Variants in ABTB2 observed in about 807,000 individuals in gnomAD.
ABTB2 encodes ankyrin repeat and BTB/POZ domain-containing protein 2.
A neutral mutation model predicts 104.1 loss-of-function variants in ABTB2; 56 were observed. The observed-to-expected ratio is 0.54, with a 90% CI of 0.43 to 0.67. The LOEUF is 0.67. Among genes scored for constraint, ABTB2 ranks in the 30% least tolerant of loss-of-function variants. The pLI, the probability that ABTB2 is intolerant of heterozygous loss-of-function variation, is 0.00. For missense variants in ABTB2, 1,279 were observed against 1,407.7 expected (o/e 0.91, Z 1.46); for synonymous variants, 606 against 608.2 (o/e 1.00, Z 0.05).
intron 1 of ABTB2, among the ~76,000 whole-genome samples, chr11:34,266,822 T>C (rs752913366): frequency 7.2e-5 from 11 of 151,970 alleles, no homozygotes; most frequent in Non-Finnish European, 1.5e-4. Context: ...TAGGAACAGT[T>C]TGATGAAGTT....
intron 1 of ABTB2, among the ~76,000 whole-genome samples, chr11:34,328,148 C>A (rs755315752): frequency 6.6e-6 from 1 of 152,190 alleles, no homozygotes; most frequent in Non-Finnish European, 1.5e-5. Context: ...GGAGAGATCA[C>A]GTGGGTCAGA....
chr11:34,240,217 G>A (rs913174711), intron 1 of ABTB2, among the ~76,000 whole-genome samples: 6 of 152,112 alleles, frequency 3.9e-5, no homozygotes, highest in East Asian at 1.9e-4. Flanking sequence ...AAGAGAGCTC[G>A]CAAAGAATGC....
chr11:34,270,322 C>T (rs113184145), intron 1 of ABTB2, among the ~76,000 whole-genome samples: 257 of 151,992 alleles, frequency 1.7e-3, no homozygotes, highest in Non-Finnish European at 2.8e-3. Context: ...AATCTGTTCA[C>T]CACTGTAGAC....
chr11:34,192,994 C>T (rs1241672617), intron 3 of ABTB2, among the ~76,000 whole-genome samples: 2 of 152,236 alleles, frequency 1.3e-5, no homozygotes, highest in African/African-American at 4.8e-5. Flanking sequence ...CCAGACCTCT[C>T]ATTCCCCAGA....
At chr11:34,248,965 T>C (rs1203317817) in intron 1 of ABTB2, among the ~76,000 whole-genome samples, 1 of 152,192 alleles carries the variant, frequency 6.6e-6, no homozygotes, top group African/African-American at 2.4e-5. Flanking sequence ...ACCCTGTTTC[T>C]ACTAAAAATA....
intron 1 of ABTB2, among the ~76,000 whole-genome samples, chr11:34,287,740 T>C (rs1425989506): frequency 6.6e-6 from 1 of 152,072 alleles, no homozygotes; most frequent in Non-Finnish European, 1.5e-5. Flanking sequence ...GGTCCCCTTC[T>C]ATTTTACCTT....
chr11:34,198,565 T>A (rs1001128185), intron 2 of ABTB2, among the ~76,000 whole-genome samples: 4 of 152,152 alleles, frequency 2.6e-5, no homozygotes, highest in Non-Finnish European at 4.4e-5. Context: ...TAACCAGCCA[T>A]GGCTGTGTGG....
chr11:34,231,609 C>T (rs960576462), intron 1 of ABTB2, among the ~76,000 whole-genome samples: 1 of 152,130 alleles, frequency 6.6e-6, no homozygotes, highest in African/African-American at 2.4e-5. Flanking sequence ...TTCACTCAGT[C>T]GCCCAGGCTG....
chr11:34,274,269 T>C (rs1475614983), intron 1 of ABTB2, among the ~76,000 whole-genome samples: 4 of 151,186 alleles, frequency 2.6e-5, no homozygotes, highest in African/African-American at 9.7e-5. Flanking sequence ...GACTAATTCA[T>C]GATGTGGCAC....
chr11:34,303,277 T>C (rs1335921674), intron 1 of ABTB2, among the ~76,000 whole-genome samples: 2 of 152,248 alleles, frequency 1.3e-5, no homozygotes, highest in Non-Finnish European at 2.9e-5. Flanking sequence ...GCCCACCAAC[T>C]ACTGGCTGCA....
chr11:34,315,990 TA>T (rs1413766001), intron 1 of ABTB2, among the ~76,000 whole-genome samples: 1 of 152,224 alleles, frequency 6.6e-6, no homozygotes, highest in Non-Finnish European at 1.5e-5. Flanking sequence ...TGTTTGCAGT[TA>T]AAATGTTAAG....
At chr11:34,271,081 T>C (rs1854308478) in intron 1 of ABTB2, among the ~76,000 whole-genome samples, 1 of 152,118 alleles carries the variant, frequency 6.6e-6, no homozygotes. Context: ...TGGATAAAGC[T>C]GTATAGGGAC....
At chr11:34,229,300 A>G (rs77060453) in intron 1 of ABTB2, among the ~76,000 whole-genome samples, 3,479 of 151,436 alleles carry the variant, frequency 0.023, 114 homozygotes, top group East Asian at 0.17. Context: ...GGCTAACACG[A>G]TGAAACCCGT....
chr11:34,240,900 C>T (rs1415192446), intron 1 of ABTB2, among the ~76,000 whole-genome samples: 1 of 152,138 alleles, frequency 6.6e-6, no homozygotes, highest in Non-Finnish European at 1.5e-5. Context: ...TGGCCTTCCC[C>T]CCTTTTTAGG....
intron 3 of ABTB2, among the ~76,000 whole-genome samples, chr11:34,184,408 T>C (rs1034769415): frequency 2.6e-5 from 4 of 152,078 alleles, no homozygotes; most frequent in Admixed American, 2.6e-4. Flanking sequence ...TCACCAGGAA[T>C]AGGAAAAGGT....
intron 1 of ABTB2, among the ~76,000 whole-genome samples, chr11:34,289,131 T>C (rs2611129): frequency 0.98 from 148,968 of 152,348 alleles, 72,858 homozygotes; most frequent in East Asian, 1. Context: ...TCTAACAGAA[T>C]TCTTATGCTT....
chr11:34,319,049 G>T (rs1854971269), intron 1 of ABTB2, among the ~76,000 whole-genome samples: 1 of 152,254 alleles, frequency 6.6e-6, no homozygotes, highest in Non-Finnish European at 1.5e-5. Flanking sequence ...TAGCAAGGAT[G>T]ATGGCCAAGG....
rs1854482861 is a variant in ABTB2, at chr11:34,284,544, A to G, written c.883+72157T>C. ...ATCGGCCTGCAAACAGGAATTATTG[A>G]CTGGCTTCCATGAAAGCTGACGCTG... On this transcript the variant is annotated intron_variant, in intron 1 of 16. Coordinates refer to ENST00000435224, the MANE Select transcript of ABTB2 (RefSeq NM_145804.3). Among the ~76,000 whole-genome samples, 5 of 152,180 alleles carry G rather than the reference A, an allele frequency of 3.3e-5. No homozygotes were observed. In the South Asian group the frequency reaches 1.0e-3, roughly 31 times the overall value.
intron 13 of ABTB2, 116 bp from the exon 14 acceptor site, chr11:34,159,502 A>G (rs2133003394): frequency 1.4e-6 from 1 of 707,392 alleles, no homozygotes; most frequent in Non-Finnish European, 2.5e-6. Context: ...TTTAAAAATT[A>G]CTGCTGTGCT....
Sources: allele counts gnomAD v4.1 joint callset (sites outside exome capture counted in the v4.1 genomes callset), GRCh38; gene constraint gnomAD v4.1.1; transcripts MANE v1.5; gene names NCBI Gene and HGNC (gene_info 2026-07-23, HGNC 2026-07-21).